Variants in FIG4 observed in about 807,000 individuals in gnomAD.
FIG4 encodes the protein FIG4 phosphoinositide 5-phosphatase.
FIG4 carries 112 observed loss-of-function variants against 118.6 expected under a neutral mutation model. That is an observed-to-expected ratio of 0.94 (90% confidence interval 0.81 to 1.11). The LOEUF is 1.11. FIG4 is among the 50% of genes least tolerant of loss of function. The probability of loss-of-function intolerance (pLI) is 0.00; values close to 1 mark genes in which losing one functional copy is unlikely to be tolerated. For missense variants in FIG4, 969 were observed against 1,111.7 expected (o/e 0.87, Z 1.83); for synonymous variants, 369 against 381.2 (o/e 0.97, Z 0.37).
chr6:109,799,148 A>G (rs1778365236), intron 22 of FIG4, among the ~76,000 whole-genome samples: 1 of 152,230 alleles, frequency 6.6e-6, no homozygotes, highest in Non-Finnish European at 1.5e-5. Context: ...CTACTTGTGC[A>G]TTCTTTTTCT....
intron 22 of FIG4, among the ~76,000 whole-genome samples, chr6:109,801,496 C>T (rs1016837392): frequency 1.3e-5 from 2 of 152,126 alleles, no homozygotes; most frequent in African/African-American, 2.4e-5. Context: ...TCCAGTGAGC[C>T]GAGATTGTGA....
chr6:109,723,200 G>A (rs954484190), intron 3 of FIG4, among the ~76,000 whole-genome samples: 1 of 152,076 alleles, frequency 6.6e-6, no homozygotes, highest in African/African-American at 2.4e-5. Flanking sequence ...TCCTAGGAAA[G>A]AGTCTGCTGA....
chr6:109,699,509 GT>G (rs531418109), intron 1 of FIG4, among the ~76,000 whole-genome samples: 38 of 112,250 alleles, frequency 3.4e-4, no homozygotes, highest in African/African-American at 6.9e-4. Context: ...TTTTTTTTTT[GT>G]TTTTTTTTTT....
intron 4 of FIG4, among the ~76,000 whole-genome samples, chr6:109,732,344 T>A (rs1776025665): frequency 1.3e-5 from 2 of 152,218 alleles, no homozygotes; most frequent in South Asian, 4.1e-4. Context: ...AAACAGCATT[T>A]ACTTCTGTCT....
intron 16 of FIG4, among the ~76,000 whole-genome samples, chr6:109,777,847 T>C (rs1434077508): frequency 1.3e-5 from 2 of 152,174 alleles, no homozygotes; most frequent in Non-Finnish European, 2.9e-5. Context: ...TAGAGTTGAG[T>C]TGGAATCTCT....
At chr6:109,785,492 T>G (rs1047437761) in intron 17 of FIG4, among the ~76,000 whole-genome samples, 10 of 152,200 alleles carry the variant, frequency 6.6e-5, no homozygotes, top group African/African-American at 2.2e-4. Flanking sequence ...TAAATTAAAT[T>G]TCATTAATTT....
intron 22 of FIG4, among the ~76,000 whole-genome samples, chr6:109,799,643 C>T (rs570816600): frequency 3.9e-5 from 6 of 152,070 alleles, no homozygotes; most frequent in Non-Finnish European, 7.4e-5. Context: ...ATGAAGAAAC[C>T]ATTTTTTTCT....
chr6:109,701,734 C>A (rs1774914891), intron 1 of FIG4: 1 of 471,510 alleles, frequency 2.1e-6, no homozygotes. Context: ...TGAGGAAATG[C>A]ACCTTTCTTA....
intron 11 of FIG4, among the ~76,000 whole-genome samples, chr6:109,760,656 A>G (rs1013045733): frequency 1.3e-5 from 2 of 152,066 alleles, no homozygotes; most frequent in East Asian, 1.9e-4. Flanking sequence ...GCTTTTTTCT[A>G]TATCATTCTG....
chr6:109,697,862 C>G (rs1774777284), intron 1 of FIG4, among the ~76,000 whole-genome samples: 2 of 150,544 alleles, frequency 1.3e-5, no homozygotes, highest in African/African-American at 2.4e-5. Flanking sequence ...AAATGTGGAT[C>G]TTTTCTTAAA....
At position 109,743,727 on chromosome 6, in the gene FIG4, G is replaced by T; in HGVS notation, c.1092G>T (p.Met364Ile). The change falls in exon 10 of 23, where the codon ATG becomes ATT. Residue 364 changes from methionine to isoleucine, a missense_variant. Met to Ile is a conservative substitution (Grantham distance 10). Coordinates refer to ENST00000230124, the MANE Select transcript of FIG4 (RefSeq NM_014845.6). ...AHVAALHFDQMFQRFGSPIII... is the reference protein window; with the variant it reads ...AHVAALHFDQIFQRFGSPIII... ...TGGCTGCCCTTCACTTTGACCAGAT[G>T]TTCCAGAGGTTTGGCTCTCCCATCA... is the stretch of plus-strand genomic sequence containing the variant. 1 of 1,612,970 alleles carries T rather than the reference G, an allele frequency of 6.2e-7. No homozygotes were observed. Among genetic ancestry groups the T allele is most frequent in the Non-Finnish European group, 8.5e-7 (1 of 1,179,292 alleles).
At chr6:109,771,601 TGGG>T (rs1403991291) in intron 15 of FIG4, among the ~76,000 whole-genome samples, 3 of 151,474 alleles carry the variant, frequency 2.0e-5, no homozygotes, top group Non-Finnish European at 1.5e-5. Flanking sequence ...CCCGAGTAGC[TGGG>T]ACTACAGGTG....
At chr6:109,794,558 G>A (rs1778224242) in intron 21 of FIG4, among the ~76,000 whole-genome samples, 1 of 152,214 alleles carries the variant, frequency 6.6e-6, no homozygotes, top group African/African-American at 2.4e-5. Flanking sequence ...TATCTGTGGG[G>A]TAACTGTGCC....
intron 22 of FIG4, 94 bp from the exon 23 acceptor site, chr6:109,824,994 A>G: frequency 8.5e-7 from 1 of 1,179,856 alleles, no homozygotes; most frequent in Non-Finnish European, 1.3e-6. Flanking sequence ...TGCTTATTCA[A>G]TGCCAGCGAC....
intron 3 of FIG4, among the ~76,000 whole-genome samples, chr6:109,718,920 ATT>A (rs35555849): frequency 4.1e-4 from 59 of 143,320 alleles, no homozygotes; most frequent in Non-Finnish European, 4.3e-4. Context: ...ACCTTATTAC[ATT>A]TTTTTTTTTT....
rs994731519 is a variant in FIG4, at chr6:109,727,512, G to C, written c.446+247G>C. ...AGAATTTTTGTTAAGAGCTGTTAAA[G>C]ACTCCATTATAGCAATTGGCAAGAA... is the stretch of plus-strand genomic sequence containing the variant. On this transcript the variant is annotated intron_variant, in intron 4 of 22. Coordinates refer to ENST00000230124, the MANE Select transcript of FIG4 (RefSeq NM_014845.6). 1.1e-3 allele frequency among the ~76,000 whole-genome samples: 169 copies of C among 152,256 alleles called. 1 individual carries two copies. Among genetic ancestry groups the C allele is most frequent in the Non-Finnish European group, 1.0e-4 (7 of 68,008 alleles).
rs752509784 is a variant in FIG4 at position 109,760,259 on chromosome 6, A to G, written c.1147A>G (p.Lys383Glu). 6.2e-7 allele frequency: 1 copy of G among 1,613,704 alleles called. No individual in the cohort carries two copies. Among genetic ancestry groups the G allele is most frequent in the Non-Finnish European group, 8.5e-7 (1 of 1,179,616 alleles). ...TTAATTTTTGATAAAGGAACGAGAG[A>G]AAAGAAAGCATGAAAGAATTCTGAG... is the stretch of plus-strand genomic sequence containing the variant. Reference protein sequence around the residue: ...IILNLVKEREKRKHERILSEE... With the variant: ...IILNLVKEREERKHERILSEE... The change falls in exon 11 of 23, where the codon AAA becomes GAA. Residue 383 changes from lysine to glutamate, a missense_variant. By Grantham distance (56) the Lys-to-Glu change is moderately conservative. This residue lies in a region of FIG4 where 246 missense variants were observed against 354.3 expected (regional missense o/e 0.69). Coordinates refer to ENST00000230124, the MANE Select transcript of FIG4 (RefSeq NM_014845.6).
chr6:109,742,355 G>T (rs1313797328), intron 8 of FIG4, among the ~76,000 whole-genome samples: 1 of 152,060 alleles, frequency 6.6e-6, no homozygotes, highest in African/African-American at 2.4e-5. Context: ...CAGCAAAAAT[G>T]CAGCCATCCT....
chr6:109,800,991 A>G (rs1297755346), intron 22 of FIG4, among the ~76,000 whole-genome samples: 3 of 152,132 alleles, frequency 2.0e-5, no homozygotes, highest in Admixed American at 6.5e-5. Flanking sequence ...GTGATTCACT[A>G]TATTCGTGCA....
Sources: allele counts gnomAD v4.1 joint callset (sites outside exome capture counted in the v4.1 genomes callset), GRCh38; gene constraint gnomAD v4.1.1; regional missense constraint gnomAD v4.1.1; transcripts MANE v1.5; gene names NCBI Gene and HGNC (gene_info 2026-07-23, HGNC 2026-07-21).